PKD1L1: variants seen among roughly 807,000 people sequenced by gnomAD.
PKD1L1 encodes polycystin 1 like 1, transient receptor potential channel interacting.
PKD1L1 carries 236 observed loss-of-function variants against 323.4 expected under a neutral mutation model. That is an observed-to-expected ratio of 0.73 (90% CI 0.66 to 0.81). PKD1L1 has a LOEUF of 0.81. Among genes scored for constraint, PKD1L1 ranks in the 40% least tolerant of loss-of-function variants. The pLI is 0.00. For missense variants in PKD1L1, 3,320 were observed against 3,508.0 expected, an observed-to-expected ratio of 0.95 and a Z score of 1.35; for synonymous variants, 1,344 against 1,335.0, an observed-to-expected ratio of 1.01 and a Z score of -0.15.
chr7:47,928,540 A>G (rs931713322), intron 7 of PKD1L1, among the ~76,000 whole-genome samples: 1 of 152,194 alleles, frequency 6.6e-6, no homozygotes, highest in African/African-American at 2.4e-5. Flanking sequence ...ACTGCACTCC[A>G]GCCTGGGCAA....
In PKD1L1 at chr7:47,904,510, G is replaced by C. The variant is rs1787158480; in HGVS notation, c.1799C>G (p.Ser600Cys). 1.9e-6 allele frequency: 3 copies of C among 1,614,208 alleles called. No homozygotes were observed. The highest frequency in any genetic ancestry group is 2.5e-6 in the Non-Finnish European group (3 of 1,180,044). ...CACACTGGCATTTACCAGAGCTGAGGAGGGGGACGTGAGCCGATTGGCCAC... is the reference window on the plus strand; with the variant it reads ...CACACTGGCATTTACCAGAGCTGAGCAGGGGGACGTGAGCCGATTGGCCAC... Reference protein sequence around the residue: ...KIVANRLTSPSSALVNASVAF... With the variant: ...KIVANRLTSPCSALVNASVAF... The change falls in exon 12 of 57, where the codon TCC (serine) becomes TGC (cysteine). Residue 600 changes from serine to cysteine, a missense_variant. By Grantham distance (112) the Ser-to-Cys change is moderately radical. Transcript: ENST00000289672.
In PKD1L1 at chr7:47,834,980, G is replaced by T. The variant is rs775441059; in HGVS notation, c.6114C>A (p.Thr2038=). The T allele has an allele frequency of 6.2e-7, 1 of 1,613,612 alleles. No homozygotes were observed. The highest frequency in any genetic ancestry group is 1.7e-5 in the Admixed American group (1 of 59,998). The change falls in exon 39 of 57, where the codon ACC becomes ACA. Residue 2038 remains threonine, a synonymous_variant. Coordinates refer to ENST00000289672, the MANE Select transcript of PKD1L1 (RefSeq NM_138295.5). ...PHSPLRGGAQ[T]EAPHGPNSWG... is the part of the protein sequence containing the mutation. ...ATGTACATTTACCATGGGGTGCCTC[G>T]GTCTGTGCTCCTCCTCTAAGTGGGC...
intron 41 of PKD1L1, among the ~76,000 whole-genome samples, chr7:47,832,602 G>C (rs1785370607): frequency 6.6e-6 from 1 of 152,158 alleles, no homozygotes; most frequent in Non-Finnish European, 1.5e-5. Flanking sequence ...GGATCCCAAA[G>C]CCACACATCC....
chr7:47,959,734 C>T, the PKD1L1 span, among the ~76,000 whole-genome samples: 7 of 141,588 alleles, frequency 4.9e-5, no homozygotes, highest in Non-Finnish European at 7.9e-5. Flanking sequence ...CCGCCCCGTC[C>T]GGGAGGGAGG....
chr7:47,880,261 TATACATA>T (rs1786512531), intron 21 of PKD1L1, among the ~76,000 whole-genome samples: 6 of 93,914 alleles, frequency 6.4e-5, no homozygotes, highest in African/African-American at 2.2e-4. Context: ...TATATATATA[TATACATA>T]TATATATATA....
upstream of PKD1L1, among the ~76,000 whole-genome samples, chr7:47,953,354 G>T (rs552755150): frequency 6.6e-6 from 1 of 151,322 alleles, no homozygotes; most frequent in Non-Finnish European, 1.5e-5. Flanking sequence ...GTGTCCTTTC[G>T]TCTGGAGTGG....
chr7:47,946,106 A>C lies in PKD1L1; in HGVS notation c.44+2291T>G, dbSNP rs1173428759. ...GAGGCAGGTCCCCAGGCCCTGGCAC[A>C]GAATCAGCACCATTTTCACAGAGGT... On this transcript the variant is annotated intron_variant, in intron 1 of 56. Coordinates refer to ENST00000289672, the MANE Select transcript of PKD1L1 (RefSeq NM_138295.5). The surrounding 1 kb of genome is among the most constrained non-coding windows in gnomAD (Gnocchi z 4.1). 6.6e-6 allele frequency among the ~76,000 whole-genome samples: 1 copy of C among 152,188 alleles called. No homozygotes were observed. The highest frequency in any genetic ancestry group is 6.5e-5 in the Admixed American group (1 of 15,284).
chr7:47,852,703 G>T (rs1320324609), intron 31 of PKD1L1, among the ~76,000 whole-genome samples: 2 of 152,172 alleles, frequency 1.3e-5, no homozygotes, highest in Non-Finnish European at 2.9e-5. Context: ...TTCAGAGGGG[G>T]TCCTGTGCCC....
chr7:47,791,721 G>A (rs1247514537), intron 56 of PKD1L1, among the ~76,000 whole-genome samples: 3 of 152,134 alleles, frequency 2.0e-5, no homozygotes, highest in Non-Finnish European at 4.4e-5. Context: ...TTAGGGCCCG[G>A]GAAGGGCTGG....
intron 3 of PKD1L1, among the ~76,000 whole-genome samples, chr7:47,938,876 T>C (rs1787928637): frequency 6.6e-6 from 1 of 152,206 alleles, no homozygotes; most frequent in Admixed American, 6.5e-5. Flanking sequence ...GAGGCAGGGC[T>C]TGTGCATGGT....
intron 15 of PKD1L1, among the ~76,000 whole-genome samples, chr7:47,892,762 G>A (rs1294890568): frequency 1.3e-5 from 2 of 152,152 alleles, no homozygotes; most frequent in Non-Finnish European, 2.9e-5. Context: ...CAGGGCTGCA[G>A]GGGAGGATGG....
At position 47,922,683 on chromosome 7, in the gene PKD1L1, CCG is replaced by C. The variant is rs1162291826; in HGVS notation, c.1060+6519_1060+6520del. On this transcript the variant is annotated intron_variant, in intron 7 of 56. Transcript: ENST00000289672. ...GGAGCCCCTCCGCCCGGCAGCTGCCCCGTCTGGGAAGTGAGGAGCGTCTCCGC... is the reference window on the plus strand; with the variant it reads ...GGAGCCCCTCCGCCCGGCAGCTGCCCTCTGGGAAGTGAGGAGCGTCTCCGC... Among the ~76,000 whole-genome samples, 199 of 152,064 alleles carry C rather than the reference CCG, an allele frequency of 1.3e-3. 1 individual carries two copies. The highest frequency in any genetic ancestry group is 4.7e-3 in the African/African-American group (195 of 41,434).
rs12673230 is a variant in PKD1L1 at position 47,820,447 on chromosome 7, G to A, written c.6965+629C>T. Among the ~76,000 whole-genome samples, 19 of 152,258 alleles carry A rather than the reference G, an allele frequency of 1.2e-4. No individual in the cohort carries two copies. In the East Asian group the frequency reaches 3.1e-3, roughly 25 times the overall value. On this transcript the variant is annotated intron_variant, in intron 46 of 56. Coordinates refer to ENST00000289672, the MANE Select transcript of PKD1L1 (RefSeq NM_138295.5). ...TGAGAGGTGTTAGAAACTGAAGGCC[G>A]GGCGTAGTGGCGCACACCTGTAATC...
At chr7:47,892,987 T>G (rs1786854774) in intron 15 of PKD1L1, among the ~76,000 whole-genome samples, 1 of 152,126 alleles carries the variant, frequency 6.6e-6, no homozygotes, top group African/African-American at 2.4e-5. Context: ...TCCCAGCACT[T>G]TGGGACGCCA....
At chr7:47,783,031 T>C (rs1481712142) in intron 56 of PKD1L1, among the ~76,000 whole-genome samples, 1 of 152,160 alleles carries the variant, frequency 6.6e-6, no homozygotes, top group Non-Finnish European at 1.5e-5. Flanking sequence ...AATGAGTCAC[T>C]TACCTGAGGA....
rs956081887 is a variant in PKD1L1, at chr7:47,809,586, G to A, written c.7582-9C>T. The A allele has an allele frequency of 6.4e-7, 1 of 1,561,676 alleles. No homozygotes were observed. The highest frequency in any genetic ancestry group is 8.7e-7 in the Non-Finnish European group (1 of 1,151,328). Reference sequence around the variant, plus strand: ...AGTGCCAGGAAGACCAGCTGGTGGAGAGAATGTAAACAAACAAGATCAATA... The same window carrying A: ...AGTGCCAGGAAGACCAGCTGGTGGAAAGAATGTAAACAAACAAGATCAATA... On this transcript the variant is annotated splice_polypyrimidine_tract_variant and intron_variant, in intron 50 of 56. Coordinates refer to ENST00000289672, the MANE Select transcript of PKD1L1 (RefSeq NM_138295.5).
At chr7:47,894,155 C>T (rs1048372066) in intron 14 of PKD1L1, 96 bp from the exon 15 acceptor site, 17 of 1,105,292 alleles carry the variant, frequency 1.5e-5, no homozygotes, top group Non-Finnish European at 2.2e-5. Flanking sequence ...AGGAAGCCGA[C>T]GAGTCTCAAC....
At chr7:47,957,873 A>ATATATATATATATATATC in the PKD1L1 span, among the ~76,000 whole-genome samples, 1 of 148,254 alleles carries the variant, frequency 6.7e-6, no homozygotes, top group Admixed American at 6.7e-5. Flanking sequence ...ATATATATAT[A>ATATATATATATATATATC]TATATCTAGA....
chr7:47,880,775 G>A lies in PKD1L1; in HGVS notation c.3473C>T (p.Pro1158Leu), dbSNP rs372028149. Residue 1158 changes from proline to leucine, a missense_variant, in exon 21 of 57, where the codon CCA becomes CTA. Pro to Leu is a moderately conservative substitution (Grantham distance 98, BLOSUM62 -3). Coordinates refer to ENST00000289672, the MANE Select transcript of PKD1L1 (RefSeq NM_138295.5). ...CGTCTCTCCACTGCTCAGAGAGTAT[G>A]GCTTGATTGTCACTGTCTGTTCTGT... ...GITEQTVTIKPYSLSSGETYV... is the reference protein window; with the variant it reads ...GITEQTVTIKLYSLSSGETYV... The A allele has an allele frequency of 1.2e-6, 2 of 1,608,210 alleles. No individual in the cohort carries two copies. The highest frequency in any genetic ancestry group is 1.7e-6 in the Non-Finnish European group (2 of 1,176,678).
Sources: gnomAD v4.1 joint callset for allele counts (sites outside exome capture counted in the v4.1 genomes callset) on GRCh38, gnomAD v4.1.1 for gene constraint, Gnocchi (gnomAD v3.1) non-coding constraint, MANE v1.5 for transcripts, NCBI Gene and HGNC (gene_info 2026-07-23, HGNC 2026-07-21) for gene names.